Variants in LITAF observed in about 807,000 individuals in gnomAD.
The protein encoded by LITAF is lipopolysaccharide-induced tumor necrosis factor-alpha factor.
LITAF carries 9 observed loss-of-function variants against 14.5 expected under a neutral mutation model. The observed-to-expected ratio is 0.62, with a 90% CI of 0.37 to 1.08. LITAF has a LOEUF of 1.08. LITAF is among the 50% of genes least tolerant of loss of function. The pLI, the probability that LITAF is intolerant of heterozygous loss-of-function variation, is 0.01. For synonymous variants in LITAF, 98 were observed against 88.2 expected, an observed-to-expected ratio of 1.11 and a Z score of -0.62; for missense variants, 206 against 213.4, an observed-to-expected ratio of 0.97 and a Z score of 0.22.
At chr16:11,606,554 CA>C (rs1446084657) in intron 3 of LITAF, among the ~76,000 whole-genome samples, 1 of 152,178 alleles carries the variant, frequency 6.6e-6, no homozygotes, top group African/African-American at 2.4e-5. Context: ...ATTTTATATG[CA>C]CTGGAAAACC....
At chr16:11,588,244 CAG>C (rs1020628206), upstream of LITAF, among the ~76,000 whole-genome samples, 6 of 152,176 alleles carry the variant, frequency 3.9e-5, no homozygotes, top group African/African-American at 1.4e-4. Context: ...CCTATAGTCT[CAG>C]GACTTTGGGA....
intron 3 of LITAF, among the ~76,000 whole-genome samples, chr16:11,620,393 C>T (rs143816073): frequency 0.011 from 1,605 of 152,092 alleles, 13 homozygotes; most frequent in Non-Finnish European, 0.016. Context: ...CTGTTTTCGC[C>T]GTGGGACATG....
At chr16:11,552,768 G>A (rs772465080) in intron 3 of LITAF, among the ~76,000 whole-genome samples, 2 of 152,078 alleles carry the variant, frequency 1.3e-5, no homozygotes, top group Non-Finnish European at 2.9e-5. Flanking sequence ...GCGGGTGGGG[G>A]CCAGGGATGC....
At chr16:11,576,669 T>C in intron 1 of LITAF, among the ~76,000 whole-genome samples, 1 of 151,514 alleles carries the variant, frequency 6.6e-6, no homozygotes, top group African/African-American at 2.4e-5. Context: ...GGCGGCTCCA[T>C]CCCACCAACA....
intron 3 of LITAF, among the ~76,000 whole-genome samples, chr16:11,623,302 A>G (rs932496573): frequency 1.3e-5 from 2 of 151,840 alleles, no homozygotes; most frequent in East Asian, 3.9e-4. Context: ...ATTTGCTCAT[A>G]TAGTTGGAAA....
chr16:11,628,306 T>C (rs1160882950), intron 3 of LITAF, among the ~76,000 whole-genome samples: 1 of 152,110 alleles, frequency 6.6e-6, no homozygotes, highest in Non-Finnish European at 1.5e-5. Flanking sequence ...TTTGCGTGTC[T>C]CCTCTCCTTT....
intron 2 of LITAF, 177 bp downstream of exon 2, chr16:11,556,334 G>A (rs1426630490): frequency 1.6e-6 from 1 of 612,362 alleles, no homozygotes; most frequent in Non-Finnish European, 2.9e-6. Context: ...GAAAAGCTGT[G>A]AGCCTCACCA....
At chr16:11,604,692 T>C (rs902557679) in intron 3 of LITAF, among the ~76,000 whole-genome samples, 9 of 150,576 alleles carry the variant, frequency 6.0e-5, no homozygotes, top group African/African-American at 2.2e-4. Context: ...TGGCCACAGT[T>C]GTGTCACCTG....
chr16:11,564,611 C>A (rs1220651960), intron 1 of LITAF, among the ~76,000 whole-genome samples: 1 of 151,040 alleles, frequency 6.6e-6, no homozygotes, highest in Non-Finnish European at 1.5e-5. Context: ...CAAGGATAAG[C>A]CTCACCCTGG....
At chr16:11,597,646 G>A (rs1199394615) in intron 1 of LITAF, among the ~76,000 whole-genome samples, 1 of 152,138 alleles carries the variant, frequency 6.6e-6, no homozygotes, top group African/African-American at 2.4e-5. Context: ...AGATGGCCCA[G>A]ATCTGTGACT....
At chr16:11,599,016 C>T (rs2064911379), upstream of LITAF, among the ~76,000 whole-genome samples, 2 of 151,856 alleles carry the variant, frequency 1.3e-5, no homozygotes, top group South Asian at 4.2e-4. Flanking sequence ...CATGGGTTTT[C>T]ACCATGTTGG....
intron 1 of LITAF, among the ~76,000 whole-genome samples, chr16:11,580,208 C>T (rs550589483): frequency 7.9e-5 from 12 of 152,002 alleles, no homozygotes; most frequent in African/African-American, 2.7e-4. Context: ...AGAAGAGATA[C>T]TTGATCTGTG....
Position 11,553,275 on chromosome 16 carries a change from G to C in LITAF, c.377+258C>G. On this transcript the variant is annotated intron_variant, in intron 3 of 3. Transcript: ENST00000622633. The surrounding 1 kb of genome is among the most constrained non-coding windows in gnomAD (Gnocchi z 7.7). ...CTCTACTAAAAATAAGCTGGGCGTG[G>C]TTGTGCACCCCTATAATCCCAGCTA... 2 of 458,668 alleles carry C rather than the reference G, an allele frequency of 4.4e-6. No individual in the cohort carries two copies. Among genetic ancestry groups the C allele is most frequent in the Non-Finnish European group, 8.1e-6 (2 of 246,404 alleles). The allele number at this position is 458,668 out of a possible 1,614,324, so 28.4% of individuals were successfully genotyped here.
At chr16:11,564,749 A>G (rs1425586255) in intron 1 of LITAF, among the ~76,000 whole-genome samples, 1 of 152,154 alleles carries the variant, frequency 6.6e-6, no homozygotes, top group African/African-American at 2.4e-5. Flanking sequence ...ATCACTGATC[A>G]TTCCGGCTCC....
At chr16:11,589,649 G>T (rs55802725), upstream of LITAF, among the ~76,000 whole-genome samples, 39,620 of 143,114 alleles carry the variant, frequency 0.28, 5,988 homozygotes, top group Non-Finnish European at 0.32. Context: ...TCGAGACAGG[G>T]TCTCTGTCAC....
intron 2 of LITAF, chr16:11,635,732 C>T (rs1006451691): frequency 2.6e-5 from 4 of 152,232 alleles, no homozygotes; most frequent in African/African-American, 9.7e-5. Context: ...CACAGGGACC[C>T]TTTTTGTCAA....
At chr16:11,601,561 C>T (rs79040835), upstream of LITAF, among the ~76,000 whole-genome samples, 726 of 152,150 alleles carry the variant, frequency 4.8e-3, 5 homozygotes, top group African/African-American at 0.017. Context: ...CAGTAGGAGC[C>T]GCTTTTGTTT....
At chr16:11,616,543 A>C (rs1163192481) in intron 3 of LITAF, among the ~76,000 whole-genome samples, 1 of 151,842 alleles carries the variant, frequency 6.6e-6, no homozygotes, top group Non-Finnish European at 1.5e-5. Context: ...CAAAAGATGT[A>C]CCTCTCATCT....
intron 1 of LITAF, among the ~76,000 whole-genome samples, chr16:11,568,042 C>T (rs1230162931): frequency 6.6e-6 from 1 of 151,804 alleles, no homozygotes; most frequent in Admixed American, 6.6e-5. Context: ...AATCCCAGCA[C>T]TTTGGAAGCC....
Sources: allele counts gnomAD v4.1 joint callset (sites outside exome capture counted in the v4.1 genomes callset), GRCh38; gene constraint gnomAD v4.1.1; non-coding constraint Gnocchi (gnomAD v3.1); transcripts MANE v1.5; gene names NCBI Gene and HGNC (gene_info 2026-07-23, HGNC 2026-07-21).